The following NPAS3 variants were observed in gnomAD, a reference collection of about 807,000 sequenced individuals.
The protein encoded by NPAS3 is neuronal PAS domain protein 3.
Under a neutral mutation model 73.1 loss-of-function variants are expected in NPAS3, and 14 were observed. The observed-to-expected ratio is 0.19, with a 90% CI of 0.13 to 0.30. The LOEUF (loss-of-function observed/expected upper bound fraction) is 0.30. Ranked by LOEUF, NPAS3 falls within the 10% of genes least tolerant of loss-of-function variation. The pLI is 1.00. For synonymous variants in NPAS3, 620 were observed against 541.5 expected, an observed-to-expected ratio of 1.14 and a Z score of -2.01; for missense variants, 1,096 against 1,250.0, an observed-to-expected ratio of 0.88 and a Z score of 1.86.
At chr14:33,684,320 T>G (rs1465402919) in intron 6 of NPAS3, among the ~76,000 whole-genome samples, 1 of 152,096 alleles carries the variant, frequency 6.6e-6, no homozygotes. Flanking sequence ...TTTCTTTTTA[T>G]TTTTTTGAGA....
At chr14:33,541,124 T>TGTGTGTGTGC (rs1566985364) in intron 4 of NPAS3, among the ~76,000 whole-genome samples, 16 of 150,976 alleles carry the variant, frequency 1.1e-4, no homozygotes, top group African/African-American at 3.9e-4. Flanking sequence ...TGTGTGTGTG[T>TGTGTGTGTGC]GTGCATGCAC....
chr14:33,482,580 C>G (rs1032435110), intron 4 of NPAS3, among the ~76,000 whole-genome samples: 1 of 152,054 alleles, frequency 6.6e-6, no homozygotes, highest in East Asian at 1.9e-4. Context: ...CTCTAAAACC[C>G]GAATTTTCAG....
chr14:33,156,991 G>A lies in NPAS3; in HGVS notation c.141-58191G>A, dbSNP rs1165959238. ...ACTGTAGTTACATTTACCAAAGATA[G>A]AATCAAGAGGAACTCTAAAAAAAGA... On this transcript the variant is annotated intron_variant, in intron 2 of 11. Transcript: ENST00000356141. Among the ~76,000 whole-genome samples the A allele has an allele frequency of 9.2e-5, 14 of 152,160 alleles. 1 individual carries two copies. In the South Asian group the frequency reaches 1.2e-3, roughly 14 times the overall value.
intron 4 of NPAS3, among the ~76,000 whole-genome samples, chr14:33,472,676 G>A (rs1431848780): frequency 6.7e-6 from 1 of 150,308 alleles, no homozygotes; most frequent in Non-Finnish European, 1.5e-5. Flanking sequence ...CAAGCCCATA[G>A]GACTGGCAAG....
At chr14:33,689,121 A>G (rs1056978003) in intron 6 of NPAS3, among the ~76,000 whole-genome samples, 1 of 152,200 alleles carries the variant, frequency 6.6e-6, no homozygotes, top group Non-Finnish European at 1.5e-5. Context: ...TTAGAACAAG[A>G]CAGCCCACGT....
intron 7 of NPAS3, among the ~76,000 whole-genome samples, chr14:33,769,163 T>C (rs1182744016): frequency 6.6e-6 from 1 of 152,180 alleles, no homozygotes; most frequent in Non-Finnish European, 1.5e-5. Context: ...CACTCTTATG[T>C]ATGTTTTCTC....
chr14:33,784,384 A>G (rs992576823), intron 9 of NPAS3, among the ~76,000 whole-genome samples: 8 of 152,242 alleles, frequency 5.3e-5, no homozygotes, highest in African/African-American at 1.9e-4. Context: ...CTGAATAGCT[A>G]GTATGAAATG....
chr14:32,952,731 A>G (rs989719127), intron 1 of NPAS3, among the ~76,000 whole-genome samples: 3 of 152,156 alleles, frequency 2.0e-5, no homozygotes, highest in Admixed American at 6.6e-5. Context: ...AACTGTGGTA[A>G]AAATCTACCA....
chr14:33,519,036 C>A (rs1270074162), intron 4 of NPAS3, among the ~76,000 whole-genome samples: 2 of 152,094 alleles, frequency 1.3e-5, no homozygotes, highest in African/African-American at 4.8e-5. Flanking sequence ...CCTACCTATA[C>A]CACTCTTGTA....
intron 1 of NPAS3, among the ~76,000 whole-genome samples, chr14:33,010,005 G>C (rs997657148): frequency 2.0e-5 from 3 of 152,068 alleles, no homozygotes; most frequent in African/African-American, 7.2e-5. Flanking sequence ...CAGAGAACAG[G>C]GCTAATAATT....
intron 2 of NPAS3, among the ~76,000 whole-genome samples, chr14:33,064,552 G>A (rs1321499461): frequency 1.3e-5 from 2 of 152,134 alleles, no homozygotes; most frequent in African/African-American, 4.8e-5. Flanking sequence ...CTTTCACCAG[G>A]CCCAATGTCA....
intron 3 of NPAS3, among the ~76,000 whole-genome samples, chr14:33,256,904 T>C (rs186799034): frequency 1.3e-4 from 20 of 152,220 alleles, no homozygotes; most frequent in Admixed American, 1.2e-3. Context: ...TGAGACATCA[T>C]CCCCATTTTA....
At chr14:33,028,968 A>G (rs918910998) in intron 1 of NPAS3, among the ~76,000 whole-genome samples, 2 of 151,994 alleles carry the variant, frequency 1.3e-5, no homozygotes, top group African/African-American at 4.8e-5. Context: ...ATTTTTCCTG[A>G]TGCTCTCCTT....
At chr14:33,664,458 G>A (rs2059395796) in intron 5 of NPAS3, among the ~76,000 whole-genome samples, 1 of 152,090 alleles carries the variant, frequency 6.6e-6, no homozygotes, top group Admixed American at 6.6e-5. Context: ...CATAGGCATG[G>A]GCAAAGGCTT....
At chr14:33,578,457 G>T (rs1012157552) in intron 5 of NPAS3, 1 of 342,858 alleles carries the variant, frequency 2.9e-6, no homozygotes, top group Non-Finnish European at 5.7e-6. Flanking sequence ...GCCTCCCAAA[G>T]TGCTGGGATT....
chr14:33,541,618 G>C (rs540891646), intron 4 of NPAS3, among the ~76,000 whole-genome samples: 1 of 152,318 alleles, frequency 6.6e-6, no homozygotes, highest in East Asian at 1.9e-4. Flanking sequence ...CTCAGTGGCT[G>C]TCTCTAAAAT....
chr14:33,220,115 A>G (rs1338674923), intron 3 of NPAS3, among the ~76,000 whole-genome samples: 1 of 152,250 alleles, frequency 6.6e-6, no homozygotes, highest in Non-Finnish European at 1.5e-5. Context: ...GGAAGAACCC[A>G]GACTGTACAC....
chr14:33,559,136 G>T (rs1031541557), intron 4 of NPAS3, among the ~76,000 whole-genome samples: 1 of 152,140 alleles, frequency 6.6e-6, no homozygotes, highest in African/African-American at 2.4e-5. Context: ...ATGATGTGTA[G>T]CATCCTTTTT....
At chr14:33,334,985 T>C (rs2044151108) in intron 3 of NPAS3, among the ~76,000 whole-genome samples, 1 of 152,042 alleles carries the variant, frequency 6.6e-6, no homozygotes, top group African/African-American at 2.4e-5. Context: ...CAGGTTGCAA[T>C]GAATGCCATT....
Sources: allele counts gnomAD v4.1 joint callset (sites outside exome capture counted in the v4.1 genomes callset), GRCh38; gene constraint gnomAD v4.1.1; transcripts MANE v1.5; gene names NCBI Gene and HGNC (gene_info 2026-07-23, HGNC 2026-07-21).